The following HEMGN variants were observed in gnomAD, a reference collection of about 807,000 sequenced individuals.
The protein encoded by HEMGN is erythroid differentiation-associated gene protein.
A neutral mutation model predicts 45.7 loss-of-function variants in HEMGN; 32 were observed. The observed-to-expected ratio is 0.70, with a 90% confidence interval of 0.53 to 0.94. HEMGN has a LOEUF of 0.94. Ranked by LOEUF, HEMGN falls within the 40% of genes least tolerant of loss-of-function variation. HEMGN has a pLI of 0.00. For missense variants in HEMGN, 530 were observed against 564.2 expected (o/e 0.94, Z 0.61); for synonymous variants, 183 against 178.6 (o/e 1.02, Z -0.20).
At chr9:97,931,270 A>G in intron 2 of HEMGN, 49 bp from the exon 3 acceptor site, 1 of 1,420,364 alleles carries the variant, frequency 7.0e-7, no homozygotes, top group Non-Finnish European at 9.5e-7. Flanking sequence ...CAGAATTCAA[A>G]TAAATGCTTG....
At chr9:97,943,494 C>T (rs1808075800) in intron 1 of HEMGN, among the ~76,000 whole-genome samples, 1 of 152,230 alleles carries the variant, frequency 6.6e-6, no homozygotes, top group Non-Finnish European at 1.5e-5. Flanking sequence ...TGCTGCTGTA[C>T]ACATATAGAT....
At chr9:97,941,118 C>G (rs1332892458), upstream of HEMGN, among the ~76,000 whole-genome samples, 6 of 152,020 alleles carry the variant, frequency 3.9e-5, no homozygotes, top group African/African-American at 1.2e-4. Flanking sequence ...TTGGAGAAAA[C>G]TGAGCTGGGC....
Position 97,930,642 on chromosome 9 carries a change from A to G in HEMGN, c.753T>C (p.Ala251=). Residue 251 remains alanine, a synonymous_variant, in exon 3 of 4, where the codon GCT becomes GCC. Coordinates refer to ENST00000616898, the MANE Select transcript of HEMGN (RefSeq NM_197978.3). ...ILPCPTSEDT[A]DLAGCSLQAY... is the part of the protein sequence containing the mutation. The stretch of plus-strand genomic sequence containing the variant: ...CTTGAAGAGAGCATCCTGCCAGATC[A>G]GCTGTGTCTTCAGATGTTGGACAAG... The G allele has an allele frequency of 6.2e-7, 1 of 1,614,230 alleles. No individual in the cohort carries two copies. Among genetic ancestry groups the G allele is most frequent in the Non-Finnish European group, 8.5e-7 (1 of 1,180,034 alleles).
intron 3 of HEMGN, 55 bp from the exon 4 acceptor site, chr9:97,927,533 G>A: frequency 8.5e-7 from 1 of 1,182,858 alleles, no homozygotes; most frequent in South Asian, 1.3e-5. Context: ...TGGGACAATT[G>A]ACTCTCCATT....
At chr9:97,927,603 T>G in intron 3 of HEMGN, 125 bp from the exon 4 acceptor site, 1 of 602,712 alleles carries the variant, frequency 1.7e-6, no homozygotes, top group South Asian at 2.1e-5. Context: ...GGGGTAAATT[T>G]TTAAATACCA....
At chr9:97,934,620 T>C (rs1381541258) in intron 2 of HEMGN, among the ~76,000 whole-genome samples, 1 of 152,070 alleles carries the variant, frequency 6.6e-6, no homozygotes, top group Non-Finnish European at 1.5e-5. Context: ...AGGACCCTAA[T>C]ACAAATATTT....
upstream of HEMGN, among the ~76,000 whole-genome samples, chr9:97,941,157 G>C (rs1008244705): frequency 1.3e-5 from 2 of 152,142 alleles, no homozygotes; most frequent in Admixed American, 6.5e-5. Context: ...GGAGGTTGAT[G>C]GTGGCTGCTA....
At chr9:97,929,390 G>A (rs899965885) in intron 3 of HEMGN, among the ~76,000 whole-genome samples, 3 of 152,206 alleles carry the variant, frequency 2.0e-5, no homozygotes, top group African/African-American at 7.2e-5. Context: ...TGGTCTGATA[G>A]ACTCAGTCCA....
chr9:97,936,654 A>T (rs922457965), intron 1 of HEMGN, among the ~76,000 whole-genome samples: 6 of 152,214 alleles, frequency 3.9e-5, no homozygotes, highest in Admixed American at 1.3e-4. Flanking sequence ...TTGTAAGAAT[A>T]GCATACCACA....
chr9:97,932,287 G>A (rs1485252708), intron 2 of HEMGN, among the ~76,000 whole-genome samples: 5 of 152,012 alleles, frequency 3.3e-5, no homozygotes, highest in African/African-American at 1.2e-4. Flanking sequence ...AGTGCCCATC[G>A]TTCCTTGCAT....
In HEMGN at chr9:97,930,620, G is replaced by T. The variant is rs1376090228; in HGVS notation, c.775C>A (p.Gln259Lys). The T allele has an allele frequency of 1.2e-6, 2 of 1,614,050 alleles. No homozygotes were observed. Among genetic ancestry groups the T allele is most frequent in the African/African-American group, 2.7e-5 (2 of 74,920 alleles). Reference protein sequence around the residue: ...DTADLAGCSLQAYPKPDVPKG... With the variant: ...DTADLAGCSLKAYPKPDVPKG... ...GGCACATCTGGTTTTGGATATGCTT[G>T]AAGAGAGCATCCTGCCAGATCAGCT... The change falls in exon 3 of 4, where the codon CAA becomes AAA. Residue 259 changes from glutamine to lysine, a missense_variant. Coordinates refer to ENST00000616898, the MANE Select transcript of HEMGN (RefSeq NM_197978.3).
At chr9:97,934,708 A>G (rs1827025811) in intron 2 of HEMGN, among the ~76,000 whole-genome samples, 2 of 152,162 alleles carry the variant, frequency 1.3e-5, no homozygotes, top group African/African-American at 2.4e-5. Context: ...TACAGTGGTT[A>G]TGGAGGTGGG....
chr9:97,942,970 T>C (rs1405168066), upstream of HEMGN, among the ~76,000 whole-genome samples: 1 of 152,162 alleles, frequency 6.6e-6, no homozygotes, highest in Non-Finnish European at 1.5e-5. Context: ...CAGAGAGCCA[T>C]ACTGTGAAGA....
Position 97,930,613 on chromosome 9 carries a change from T to A in HEMGN, c.782A>T (p.Tyr261Phe), listed in dbSNP as rs1420662043. ...GCCTTTAGGCACATCTGGTTTTGGA[T>A]ATGCTTGAAGAGAGCATCCTGCCAG... ...ADLAGCSLQA[Y>F]PKPDVPKGYI... Residue 261 changes from tyrosine (Y) to phenylalanine (F), a missense_variant, in exon 3 of 4, where the codon TAT becomes TTT. Coordinates refer to ENST00000616898, the MANE Select transcript of HEMGN (RefSeq NM_197978.3). The A allele has an allele frequency of 1.3e-5, 21 of 1,614,070 alleles. No homozygotes were observed. Among genetic ancestry groups the A allele is most frequent in the Non-Finnish European group, 1.8e-5 (21 of 1,180,022 alleles).
At chr9:97,927,953 GTGAT>G (rs1316707074) in intron 3 of HEMGN, among the ~76,000 whole-genome samples, 1 of 151,552 alleles carries the variant, frequency 6.6e-6, no homozygotes, top group Non-Finnish European at 1.5e-5. Context: ...ATAAAAGGGG[GTGAT>G]TAAGACCATT....
upstream of HEMGN, among the ~76,000 whole-genome samples, chr9:97,940,334 G>A (rs1361413505): frequency 6.6e-6 from 1 of 152,122 alleles, no homozygotes; most frequent in African/African-American, 2.4e-5. Flanking sequence ...ACCTACCTAA[G>A]TCAATTCCAC....
chr9:97,932,485 A>G (rs1435664169), intron 2 of HEMGN, among the ~76,000 whole-genome samples: 4 of 152,188 alleles, frequency 2.6e-5, no homozygotes. Context: ...AGAGCAGTCT[A>G]AAATAATATT....
At chr9:97,931,277 C>T (rs1826949061) in intron 2 of HEMGN, 56 bp from the exon 3 acceptor site, 2 of 1,356,268 alleles carry the variant, frequency 1.5e-6, no homozygotes, top group East Asian at 2.3e-5. Flanking sequence ...CAAATAAATG[C>T]TTGTAATAAC....
In HEMGN at chr9:97,927,031, A is replaced by T. The variant is rs1826838588; in HGVS notation, c.*353T>A. Reference sequence around the variant, plus strand: ...GAAAACTATATACTCCACAAAATGTATGTGTTCAGTCTTAGTCACTTATCT... The same window carrying T: ...GAAAACTATATACTCCACAAAATGTTTGTGTTCAGTCTTAGTCACTTATCT... On this transcript the variant is annotated 3_prime_UTR_variant, in exon 4 of 4. Coordinates refer to ENST00000616898, the MANE Select transcript of HEMGN (RefSeq NM_197978.3). The T allele has an allele frequency of 6.2e-6, 1 of 161,294 alleles. No homozygotes were observed. The highest frequency in any genetic ancestry group is 6.4e-5 in the Admixed American group (1 of 15,592). 10.0% of individuals were successfully genotyped at this position (161,294 alleles called of 1,614,324 possible).
Sources: gnomAD v4.1 joint callset for allele counts (sites outside exome capture counted in the v4.1 genomes callset) on GRCh38, gnomAD v4.1.1 for gene constraint, MANE v1.5 for transcripts, NCBI Gene and HGNC (gene_info 2026-07-23, HGNC 2026-07-21) for gene names.